The following ERGIC1 variants were observed in gnomAD, a reference collection of about 807,000 sequenced individuals.
ERGIC1 encodes the protein endoplasmic reticulum-golgi intermediate compartment 1, also known as endoplasmic reticulum-Golgi intermediate compartment protein 1.
In ERGIC1, 19 loss-of-function variants were observed where a neutral mutation model predicts 38.3. The ratio of observed to expected loss-of-function variants is 0.50; its 90% CI spans 0.35 to 0.73. ERGIC1 has a LOEUF of 0.73. Ranked by LOEUF, ERGIC1 falls within the 30% of genes least tolerant of loss-of-function variation. The pLI, the probability that ERGIC1 is intolerant of heterozygous loss-of-function variation, is 0.01. For missense variants in ERGIC1, 294 were observed against 389.2 expected (o/e 0.76, Z 2.06); for synonymous variants, 124 against 157.6 (o/e 0.79, Z 1.60).
intron 1 of ERGIC1, among the ~76,000 whole-genome samples, chr5:172,861,160 G>A (rs888672479): frequency 7.2e-5 from 11 of 152,264 alleles, no homozygotes; most frequent in Non-Finnish European, 1.3e-4. Flanking sequence ...AGTGGCCACC[G>A]CTGCTGCTGA....
At chr5:172,844,295 G>A (rs577044529) in intron 1 of ERGIC1, among the ~76,000 whole-genome samples, 2 of 152,240 alleles carry the variant, frequency 1.3e-5, no homozygotes, top group African/African-American at 4.8e-5. Context: ...CCTGGAGCGC[G>A]AGGCCCTGTG....
chr5:172,909,774 C>T lies in ERGIC1; in HGVS notation c.250+13C>T, dbSNP rs769092222. On this transcript the variant is annotated intron_variant, in intron 4 of 9. Coordinates refer to ENST00000393784, the MANE Select transcript of ERGIC1 (RefSeq NM_001031711.3). ...CTGCACTGCGAGTGTGAGTACTCCACGCAGCCCCTCCCTCCAGCAGGACAC... is the reference window on the plus strand; with the variant it reads ...CTGCACTGCGAGTGTGAGTACTCCATGCAGCCCCTCCCTCCAGCAGGACAC... 9 of 1,610,800 alleles carry T rather than the reference C, an allele frequency of 5.6e-6. No homozygotes were observed. The highest frequency in any genetic ancestry group is 1.6e-4 in the Middle Eastern group (1 of 6,074).
At chr5:172,869,327 G>A (rs1471926090) in intron 1 of ERGIC1, among the ~76,000 whole-genome samples, 2 of 152,258 alleles carry the variant, frequency 1.3e-5, no homozygotes, top group Non-Finnish European at 2.9e-5. Flanking sequence ...AGTTGAATGA[G>A]TGTCCTTTGG....
At chr5:172,912,805 G>C (rs1763241093) in intron 4 of ERGIC1, among the ~76,000 whole-genome samples, 1 of 146,788 alleles carries the variant, frequency 6.8e-6, no homozygotes, top group Non-Finnish European at 1.5e-5. Flanking sequence ...GTTTTTCTCT[G>C]TTGCCCAGGC....
intron 5 of ERGIC1, among the ~76,000 whole-genome samples, chr5:172,919,641 CA>C (rs1256204380): frequency 1.3e-5 from 2 of 152,226 alleles, no homozygotes; most frequent in Non-Finnish European, 2.9e-5. Flanking sequence ...TCAGGTTCCT[CA>C]TCTGTAGAAT....
At chr5:172,870,836 C>T (rs1251494456) in intron 1 of ERGIC1, among the ~76,000 whole-genome samples, 1 of 152,174 alleles carries the variant, frequency 6.6e-6, no homozygotes, top group African/African-American at 2.4e-5. Context: ...AAGTGGCTCC[C>T]CGAGGGTACT....
chr5:172,901,305 G>A (rs74942093), intron 3 of ERGIC1, among the ~76,000 whole-genome samples: 7,625 of 152,228 alleles, frequency 0.05, 602 homozygotes, highest in African/African-American at 0.17. Context: ...TGGACAGGCC[G>A]TTAATTATCC....
At chr5:172,948,974 A>C (rs1764176776) in intron 9 of ERGIC1, among the ~76,000 whole-genome samples, 1 of 152,128 alleles carries the variant, frequency 6.6e-6, no homozygotes, top group African/African-American at 2.4e-5. Context: ...GAATCACTTG[A>C]ACCTGGGAGT....
intron 1 of ERGIC1, among the ~76,000 whole-genome samples, chr5:172,872,831 A>G (rs971696042): frequency 4.8e-4 from 73 of 152,152 alleles, no homozygotes; most frequent in African/African-American, 1.7e-3. Flanking sequence ...AAAGAAAAAA[A>G]GAAAAAAGAA....
chr5:172,947,912 GGTT>G (rs943102681), intron 9 of ERGIC1, among the ~76,000 whole-genome samples: 10 of 144,662 alleles, frequency 6.9e-5, no homozygotes, highest in Non-Finnish European at 7.7e-5. Context: ...GTGTGTGTGT[GGTT>G]ATTTTTTATT....
At chr5:172,877,458 A>ATT (rs56384349) in intron 1 of ERGIC1, among the ~76,000 whole-genome samples, 7,935 of 85,820 alleles carry the variant, frequency 0.092, 806 homozygotes, top group Non-Finnish European at 0.13. Flanking sequence ...ATATATATAT[A>ATT]TTTTTTTTTT....
chr5:172,935,232 C>T lies in ERGIC1; in HGVS notation c.687C>T (p.Ile229=), dbSNP rs763054803. ...YSHTGRIIPA[I]WFRYDLSPIT... ...ACACGGGCCGCATCATCCCTGCAAT[C>T]TGGTTCCGCTACGACCTCAGCCCCA... Residue 229 remains isoleucine, a synonymous_variant, in exon 9 of 10, where the codon ATC becomes ATT. Coordinates refer to ENST00000393784, the MANE Select transcript of ERGIC1 (RefSeq NM_001031711.3). 3.1e-6 allele frequency: 5 copies of T among 1,614,210 alleles called. No individual in the cohort carries two copies. Among genetic ancestry groups the T allele is most frequent in the East Asian group, 2.2e-5 (1 of 44,888 alleles).
chr5:172,915,206 T>C (rs1561733942), intron 5 of ERGIC1: 2 of 606,186 alleles, frequency 3.3e-6, no homozygotes, highest in Non-Finnish European at 5.9e-6. Flanking sequence ...ATGGCGATAA[T>C]AGTATCACGA....
chr5:172,893,918 T>TATATATATATACAC (rs1162989475), intron 2 of ERGIC1, among the ~76,000 whole-genome samples: 1 of 82,912 alleles, frequency 1.2e-5, no homozygotes, highest in African/African-American at 4.6e-5. Context: ...TGTGTGTGTG[T>TATATATATATACAC]GTGTGTGTGT....
Position 172,950,718 on chromosome 5 carries a change from A to G in ERGIC1, c.775A>G (p.Ile259Val). ...CCCTGCCCTCTTGCAGATCTGTGCC[A>G]TCATTGGCGGGACCTTCACCGTCGC... Reference protein sequence around the residue: ...LYRFITTICAIIGGTFTVAGI... With the variant: ...LYRFITTICAVIGGTFTVAGI... The change falls in exon 10 of 10, where the codon ATC becomes GTC. Residue 259 changes from isoleucine (I) to valine (V), a missense_variant. This residue lies in a region of ERGIC1 where 22 missense variants were observed against 50.7 expected (regional missense o/e 0.43). Coordinates refer to ENST00000393784, the MANE Select transcript of ERGIC1 (RefSeq NM_001031711.3). 1 of 1,612,180 alleles carries G rather than the reference A, an allele frequency of 6.2e-7. No individual in the cohort carries two copies. Among genetic ancestry groups the G allele is most frequent in the Non-Finnish European group, 8.5e-7 (1 of 1,178,640 alleles).
chr5:172,899,132 TG>T (rs1174614155), intron 3 of ERGIC1, among the ~76,000 whole-genome samples: 1 of 151,954 alleles, frequency 6.6e-6, no homozygotes, highest in African/African-American at 2.4e-5. Flanking sequence ...TTATGTGCTG[TG>T]GGCAGGACAC....
At chr5:172,879,110 G>A (rs1047890969) in intron 1 of ERGIC1, among the ~76,000 whole-genome samples, 3 of 152,210 alleles carry the variant, frequency 2.0e-5, no homozygotes, top group South Asian at 2.1e-4. Context: ...CACATATGGC[G>A]AACCACAGAG....
At chr5:172,938,980 T>G (rs1018258812) in intron 9 of ERGIC1, among the ~76,000 whole-genome samples, 4 of 151,966 alleles carry the variant, frequency 2.6e-5, no homozygotes, top group Admixed American at 6.6e-5. Flanking sequence ...GGAGAATTGC[T>G]TGAACCTGGC....
intron 5 of ERGIC1, among the ~76,000 whole-genome samples, chr5:172,923,470 C>T (rs1046107878): frequency 7.9e-5 from 12 of 152,170 alleles, no homozygotes; most frequent in Non-Finnish European, 1.6e-4. Flanking sequence ...TGTAAATACT[C>T]ATCCAGCACC....
Sources: gnomAD v4.1 joint callset for allele counts (sites outside exome capture counted in the v4.1 genomes callset) on GRCh38, gnomAD v4.1.1 for gene constraint, gnomAD v4.1.1 regional missense constraint, MANE v1.5 for transcripts, NCBI Gene and HGNC (gene_info 2026-07-23, HGNC 2026-07-21) for gene names.